The following GPR19 variants were observed in gnomAD, a reference collection of about 807,000 sequenced individuals.
The protein encoded by GPR19 is probable G protein-coupled receptor 19.
In GPR19, 14 loss-of-function variants were observed where a neutral mutation model predicts 28.5. That is an observed-to-expected ratio of 0.49 (90% CI 0.32 to 0.77). The LOEUF (loss-of-function observed/expected upper bound fraction) is 0.77, where lower values mean the gene tolerates loss of function less well. Among genes scored for constraint, GPR19 ranks in the 30% least tolerant of loss-of-function variants. The pLI is 0.03. For synonymous variants in GPR19, 173 were observed against 184.1 expected (o/e 0.94, Z 0.49); for missense variants, 409 against 504.1 (o/e 0.81, Z 1.81).
At position 12,661,307 on chromosome 12, in the gene GPR19, G is replaced by A; in HGVS notation, c.1142C>T (p.Ala381Val). Reference sequence around the variant, plus strand: ...GATCGAGTCTTTGGTAATAGTTTTGGCCATGGAAGGGATTTCTGAAATGCC... The same window carrying A: ...GATCGAGTCTTTGGTAATAGTTTTGACCATGGAAGGGATTTCTGAAATGCC... ...YVGISEIPSM[A>V]KTITKDSIYD... The change falls in exon 4 of 4, where the codon GCC becomes GTC. Residue 381 changes from alanine (A) to valine (V), a missense_variant. Ala to Val is a moderately conservative substitution (Grantham distance 64, BLOSUM62 0). Coordinates refer to ENST00000651487, the MANE Select transcript of GPR19 (RefSeq NM_006143.3). This position sits in a 1 kb window ranked among gnomAD's most constrained non-coding sequence, Gnocchi z 4.2. 1 of 1,613,804 alleles carries A rather than the reference G, an allele frequency of 6.2e-7. No individual in the cohort carries two copies. The highest frequency in any genetic ancestry group is 1.1e-5 in the South Asian group (1 of 91,074).
chr12:12,694,009 A>C (rs1946222970), intron 2 of GPR19, among the ~76,000 whole-genome samples: 1 of 151,558 alleles, frequency 6.6e-6, no homozygotes, highest in Admixed American at 6.6e-5. Context: ...CCCTAGAGGG[A>C]ACTCTTAAAG....
chr12:12,664,474 A>C (rs571608569), intron 3 of GPR19, among the ~76,000 whole-genome samples: 9 of 152,234 alleles, frequency 5.9e-5, no homozygotes, highest in Admixed American at 5.9e-4. Flanking sequence ...AGAAAGCTTA[A>C]GTAAGATAAT....
At position 12,661,779 on chromosome 12, in the gene GPR19, T is replaced by C. The variant is rs147196823; in HGVS notation, c.670A>G (p.Thr224Ala). Residue 224 changes from threonine (T) to alanine (A), a missense_variant, in exon 4 of 4, where the codon ACT becomes GCT. By Grantham distance (58) the Thr-to-Ala change is moderately conservative. Transcript: ENST00000651487. This position sits in a 1 kb window ranked among gnomAD's most constrained non-coding sequence, Gnocchi z 4.2. ...LPSSWEGTAY[T>A]VIHFLVGFVI... ...AAGCCCACCAAGAAGTGGATGACAGTGTAGGCAGTGCCTTCCCAAGAGGAG... is the reference window on the plus strand; with the variant it reads ...AAGCCCACCAAGAAGTGGATGACAGCGTAGGCAGTGCCTTCCCAAGAGGAG... The C allele has an allele frequency of 2.5e-5, 40 of 1,613,298 alleles. 1 individual carries two copies. In the African/African-American group the frequency reaches 5.2e-4, roughly 21 times the overall value.
At chr12:12,666,826 C>T (rs970654657) in intron 3 of GPR19, among the ~76,000 whole-genome samples, 1 of 152,102 alleles carries the variant, frequency 6.6e-6, no homozygotes, top group Non-Finnish European at 1.5e-5. Context: ...AGAGGTGAAA[C>T]ATTGGGGATT....
chr12:12,677,816 G>A (rs1487442303), intron 3 of GPR19, among the ~76,000 whole-genome samples: 5 of 151,586 alleles, frequency 3.3e-5, no homozygotes, highest in African/African-American at 9.7e-5. Context: ...GCTCACGCCT[G>A]TAATCCCAGC....
At chr12:12,693,052 C>T (rs1054230145) in intron 2 of GPR19, among the ~76,000 whole-genome samples, 1 of 152,218 alleles carries the variant, frequency 6.6e-6, no homozygotes, top group African/African-American at 2.4e-5. Flanking sequence ...GTGATTTCAA[C>T]TTCTGAGTTA....
chr12:12,673,759 G>A (rs1945889255), intron 3 of GPR19, among the ~76,000 whole-genome samples: 1 of 152,196 alleles, frequency 6.6e-6, no homozygotes, highest in Non-Finnish European at 1.5e-5. Context: ...GTGGGCAAAG[G>A]TAGGATGACA....
Position 12,662,432 on chromosome 12 carries a change from C to T in GPR19, c.17G>A (p.Arg6Lys), listed in dbSNP as rs2136316634. MVFAH[R>K]MDNSKPHLII... ...CAAATGTGGCTTGCTGTTATCCATT[C>T]TGTGAGCAAAAACCATATTCACTTT... Residue 6 changes from arginine to lysine, a missense_variant, in exon 4 of 4, where the codon AGA becomes AAA. Coordinates refer to ENST00000651487, the MANE Select transcript of GPR19 (RefSeq NM_006143.3). The T allele has an allele frequency of 6.2e-7, 1 of 1,613,314 alleles. No individual in the cohort carries two copies. The highest frequency in any genetic ancestry group is 2.2e-5 in the East Asian group (1 of 44,864).
chr12:12,677,684 A>AAT (rs778771480), intron 3 of GPR19, among the ~76,000 whole-genome samples: 5 of 152,172 alleles, frequency 3.3e-5, no homozygotes, highest in Non-Finnish European at 7.4e-5. Flanking sequence ...TCACATGGAT[A>AAT]ATATATATAT....
In GPR19 at chr12:12,662,479, G is replaced by A. The variant is rs762657440; in HGVS notation, c.-22-9C>T. On this transcript the variant is annotated splice_polypyrimidine_tract_variant and intron_variant, in intron 3 of 3. Transcript: ENST00000651487. ...CTTTTTTTCTCTTAATTCTGGTTGG[G>A]GAAAAGAAGAATGAGGCCTCCTGTT... 7 of 1,599,490 alleles carry A rather than the reference G, an allele frequency of 4.4e-6. No individual in the cohort carries two copies. Among genetic ancestry groups the A allele is most frequent in the Non-Finnish European group, 6.0e-6 (7 of 1,171,666 alleles).
Position 12,662,419 on chromosome 12 carries a change from G to A in GPR19, c.30C>T (p.Ser10=), listed in dbSNP as rs1310222207. The part of the protein sequence containing the change: MVFAHRMDN[S]KPHLIIPTLL... ...GTGTAGGAATAATCAAATGTGGCTT[G>A]CTGTTATCCATTCTGTGAGCAAAAA... Residue 10 remains serine (S), a synonymous_variant, in exon 4 of 4, where the codon AGC becomes AGT. Transcript: ENST00000651487. 20 of 1,614,142 alleles carry A rather than the reference G, an allele frequency of 1.2e-5. No homozygotes were observed. Among genetic ancestry groups the A allele is most frequent in the Non-Finnish European group, 1.7e-5 (20 of 1,180,000 alleles).
intron 2 of GPR19, among the ~76,000 whole-genome samples, chr12:12,692,111 C>T (rs1333959832): frequency 6.6e-6 from 1 of 152,160 alleles, no homozygotes; most frequent in African/African-American, 2.4e-5. Context: ...GGAGGATGAG[C>T]AATACGTCTT....
intron 3 of GPR19, among the ~76,000 whole-genome samples, chr12:12,662,768 C>G (rs1222584602): frequency 2.6e-5 from 4 of 152,236 alleles, no homozygotes; most frequent in African/African-American, 9.6e-5. Flanking sequence ...GTTCCCTTCA[C>G]TCATCAGGGA....
the GPR19 span, among the ~76,000 whole-genome samples, chr12:12,707,782 C>G: frequency 7.1e-6 from 1 of 140,720 alleles, no homozygotes; most frequent in Non-Finnish European, 1.5e-5. Context: ...GCAGTGGTGC[C>G]ATCATAGCTC....
Position 12,667,339 on chromosome 12 carries a change from C to T in GPR19, c.-22-4869G>A, listed in dbSNP as rs140414151. 2.9e-3 allele frequency among the ~76,000 whole-genome samples: 447 copies of T among 152,160 alleles called. 2 individuals are homozygous for T. The highest frequency in any genetic ancestry group is 0.01 in the African/African-American group (425 of 41,494). ...ATTTATCCTATTATCTACTTCTCAC[C>T]CATCCAAGCTTTAAGATTAATACAT... On this transcript the variant is annotated intron_variant, in intron 3 of 3. Coordinates refer to ENST00000651487, the MANE Select transcript of GPR19 (RefSeq NM_006143.3).
intron 3 of GPR19, among the ~76,000 whole-genome samples, chr12:12,679,569 G>C (rs1221191048): frequency 1.3e-5 from 2 of 150,166 alleles, no homozygotes; most frequent in Non-Finnish European, 2.9e-5. Context: ...AGCCCTAGGA[G>C]TTTGAACCTA....
At chr12:12,708,055 A>C in the GPR19 span, among the ~76,000 whole-genome samples, 23 of 125,284 alleles carry the variant, frequency 1.8e-4, no homozygotes, top group East Asian at 6.1e-3. Context: ...GCTGGAGTGC[A>C]GTGGCGTGAT....
chr12:12,697,176 A>AAAAAAAAAAAAC (rs1565413598), upstream of GPR19, among the ~76,000 whole-genome samples: 2 of 149,932 alleles, frequency 1.3e-5, no homozygotes, highest in Non-Finnish European at 3.0e-5. Flanking sequence ...AAAAAAAAAA[A>AAAAAAAAAAAAC]AGCAGCCATG....
At chr12:12,705,115 C>CTTTTT in the GPR19 span, among the ~76,000 whole-genome samples, 6,612 of 136,554 alleles carry the variant, frequency 0.048, 318 homozygotes, top group Non-Finnish European at 0.081. Context: ...AGAAATGCAT[C>CTTTTT]TTTTTTTTTT....
Sources: gnomAD v4.1 joint callset for allele counts (sites outside exome capture counted in the v4.1 genomes callset) on GRCh38, gnomAD v4.1.1 for gene constraint, Gnocchi (gnomAD v3.1) non-coding constraint, MANE v1.5 for transcripts, NCBI Gene and HGNC (gene_info 2026-07-23, HGNC 2026-07-21) for gene names.